The following TOP3B variants were observed in gnomAD, a reference collection of about 807,000 sequenced individuals.
TOP3B encodes DNA topoisomerase III beta, also known as DNA topoisomerase 3-beta-1.
A neutral mutation model predicts 93.9 loss-of-function variants in TOP3B; 45 were observed. That is an observed-to-expected ratio of 0.48 (90% CI 0.38 to 0.61). TOP3B has a LOEUF of 0.61. TOP3B is among the 20% of genes least tolerant of loss of function. The pLI, the probability that TOP3B is intolerant of heterozygous loss-of-function variation, is 0.00. For synonymous variants in TOP3B, 357 were observed against 472.6 expected (o/e 0.76, Z 3.17); for missense variants, 750 against 1,156.1 (o/e 0.65, Z 5.09).
At chr22:21,975,351 G>A in intron 2 of TOP3B, 1 of 302,166 alleles carries the variant, frequency 3.3e-6, no homozygotes, top group Non-Finnish European at 6.3e-6. Flanking sequence ...TTCCAGGGCT[G>A]GTTTCTACTA....
chr22:21,971,130 G>A lies in TOP3B; in HGVS notation c.385-724C>T. ...CAGATGCAAAGGCCCCCAGGGAGGA[G>A]CCGCCCTGCAGGGGAGGAGAGGGTA... On this transcript the variant is annotated intron_variant, in intron 5 of 17. Transcript: ENST00000357179. The surrounding 1 kb of genome is among the most constrained non-coding windows in gnomAD (Gnocchi z 4.6). The A allele has an allele frequency of 1.8e-6, 2 of 1,117,326 alleles. No homozygotes were observed. The highest frequency in any genetic ancestry group is 1.3e-5 in the South Asian group (1 of 75,934). 69.2% of individuals were successfully genotyped at this position (1,117,326 alleles called of 1,614,324 possible).
intron 3 of TOP3B, 145 bp downstream of exon 3, chr22:21,974,212 C>T (rs2145873482): frequency 9.5e-7 from 1 of 1,055,762 alleles, no homozygotes; most frequent in Non-Finnish European, 1.3e-6. Context: ...GGGACCCTCT[C>T]ATTGCTACTT....
At chr22:21,972,794 G>T (rs2071695667) in intron 3 of TOP3B, 76 bp from the exon 4 acceptor site, 3 of 1,224,530 alleles carry the variant, frequency 2.4e-6, no homozygotes, top group Non-Finnish European at 3.6e-6. Flanking sequence ...GAGGATGTTG[G>T]CCTCATCCCA....
At chr22:21,980,509 A>T (rs2084606635) in intron 1 of TOP3B, among the ~76,000 whole-genome samples, 1 of 152,294 alleles carries the variant, frequency 6.6e-6, no homozygotes, top group South Asian at 2.1e-4. Flanking sequence ...ACTACAGTGA[A>T]ATCAGTAATC....
At position 21,965,605 on chromosome 22, in the gene TOP3B, G is replaced by A. The variant is rs924601642; in HGVS notation, c.853-230C>T. 2.7e-5 allele frequency: 8 copies of A among 296,764 alleles called. No homozygotes were observed. The East Asian group carries it at 4.9e-4, about 18-fold the overall frequency. 18.4% of individuals were successfully genotyped at this position (296,764 alleles called of 1,614,324 possible). Reference sequence around the variant, plus strand: ...ATTTTGGCTGGGTGTGGTGGCTCACGCCTGTAATCCCAGTACTTTGGGAGG... The same window carrying A: ...ATTTTGGCTGGGTGTGGTGGCTCACACCTGTAATCCCAGTACTTTGGGAGG... On this transcript the variant is annotated intron_variant, in intron 8 of 17. Transcript: ENST00000357179.
At chr22:21,966,451 T>C (rs1477146912) in intron 8 of TOP3B, 1 of 152,250 alleles carries the variant, frequency 6.6e-6, no homozygotes, top group African/African-American at 2.4e-5. Flanking sequence ...TGGGGAGGGC[T>C]GCTGCCTGCA....
At chr22:21,980,085 G>A (rs554086445) in intron 1 of TOP3B, among the ~76,000 whole-genome samples, 2 of 152,222 alleles carry the variant, frequency 1.3e-5, no homozygotes, top group East Asian at 3.9e-4. Flanking sequence ...GGCATGTAAC[G>A]GTGTGTAGAG....
rs373549523 is a variant in TOP3B at position 21,971,879 on chromosome 22, C to G, written c.382G>C (p.Glu128Gln). 1.2e-6 allele frequency: 2 copies of G among 1,614,072 alleles called. No individual in the cohort carries two copies. The highest frequency in any genetic ancestry group is 1.7e-6 in the Non-Finnish European group (2 of 1,179,978). Residue 128 changes from glutamate to glutamine, a missense_variant and splice_region_variant, in exon 5 of 18, where the codon GAG (glutamate) becomes CAG (glutamine). Physicochemically the swap from Glu to Gln is conservative, Grantham distance 29. Transcript: ENST00000357179. The surrounding 1 kb of genome is among the most constrained non-coding windows in gnomAD (Gnocchi z 4.6). ...AACAAAGTGAGCCTCACACTCACCT[C>G]AAAGCAGATGTTCTCCCCCTCCTTG... ...CDKEGENICF[E>Q]VLDAVLPVMN...
Position 21,975,641 on chromosome 22 carries a change from T to A in TOP3B, c.69A>T (p.Arg23Ser). The A allele has an allele frequency of 1.2e-6, 2 of 1,611,018 alleles. No homozygotes were observed. The highest frequency in any genetic ancestry group is 1.1e-5 in the South Asian group (1 of 90,860). ...CAAAGCAGGGCTGGTCTCTCCTACC[T>A]CTAGAGAGGATTTTGGCAATTGACT... is the stretch of plus-strand genomic sequence containing the variant. Reference protein sequence around the residue: ...LAQSIAKILSRGSLSSHKGLN... With the variant: ...LAQSIAKILSSGSLSSHKGLN... The change falls in exon 2 of 18, where the codon AGA becomes AGT. Residue 23 changes from arginine to serine, a missense_variant and splice_region_variant. Arg to Ser is a moderately radical substitution (Grantham distance 110). Coordinates refer to ENST00000357179, the MANE Select transcript of TOP3B (RefSeq NM_001282112.2).
chr22:21,960,511 G>A (rs1188745699), intron 13 of TOP3B, 62 bp from the exon 14 acceptor site: 68 of 1,602,770 alleles, frequency 4.2e-5, no homozygotes, highest in Middle Eastern at 1.7e-4. Context: ...TGAACCATGT[G>A]CTGTATCACC....
Position 21,958,588 on chromosome 22 carries a change from A to G in TOP3B, c.2011T>C (p.Phe671Leu). The G allele has an allele frequency of 6.2e-7, 1 of 1,614,112 alleles. No homozygotes were observed. The highest frequency in any genetic ancestry group is 2.2e-5 in the East Asian group (1 of 44,882). Residue 671 changes from phenylalanine to leucine, a missense_variant, in exon 17 of 18, where the codon TTC becomes CTC. By Grantham distance (22) the Phe-to-Leu change is conservative. Coordinates refer to ENST00000357179, the MANE Select transcript of TOP3B (RefSeq NM_001282112.2). ...CCTGATGACCACAGGACCAGCTCGA[A>G]GTCATCCAGAGGGCAGCGGAGCTCC... ...YKELRCPLDD[F>L]ELVLWSSGSR... is the part of the protein sequence containing the mutation.
intron 4 of TOP3B, 60 bp downstream of exon 4, chr22:21,972,552 A>G: frequency 3.0e-6 from 4 of 1,317,146 alleles, no homozygotes; most frequent in African/African-American, 1.5e-5. Context: ...GGGCAAAGAC[A>G]TGGCAGCTGT....
chr22:21,980,062 G>C (rs1465455070), intron 1 of TOP3B, among the ~76,000 whole-genome samples: 1 of 151,792 alleles, frequency 6.6e-6, no homozygotes, highest in African/African-American at 2.4e-5. Context: ...AATAAATCAT[G>C]CTAAGAAAGC....
intron 13 of TOP3B, chr22:21,962,198 C>T: frequency 6.8e-7 from 1 of 1,465,904 alleles, no homozygotes; most frequent in Non-Finnish European, 9.0e-7. Flanking sequence ...TGCACGAGGG[C>T]ACATCTGGGC....
rs2071607702 is a variant in TOP3B at position 21,970,826 on chromosome 22, T to G, written c.385-420A>C. 3 of 328,488 alleles carry G rather than the reference T, an allele frequency of 9.1e-6. No individual in the cohort carries two copies. Among genetic ancestry groups the G allele is most frequent in the East Asian group, 9.2e-5 (1 of 10,858 alleles). 20.3% of individuals were successfully genotyped at this position (328,488 alleles called of 1,614,324 possible). On this transcript the variant is annotated intron_variant, in intron 5 of 17. Transcript: ENST00000357179. The surrounding 1 kb of genome is among the most constrained non-coding windows in gnomAD (Gnocchi z 4.4). Reference sequence around the variant, plus strand: ...AGGAGGGAGGGTTTGGAGGGGTGGGTGGAAATTTTAAGAGGCTGAAGAAAA... The same window carrying G: ...AGGAGGGAGGGTTTGGAGGGGTGGGGGGAAATTTTAAGAGGCTGAAGAAAA...
Position 21,960,403 on chromosome 22 carries a change from G to A in TOP3B, c.1572C>T (p.Arg524=). ...GCCCGCTCTCCACCGTGACATAGTT[G>A]CGCTGGCAGATGTTGTTGATATGCA... is the stretch of plus-strand genomic sequence containing the variant. ...IPVHINNICQ[R]NYVTVESGRR... is the part of the protein sequence containing the mutation. Residue 524 remains arginine (R), a synonymous_variant, in exon 14 of 18, where the codon CGC becomes CGT. Coordinates refer to ENST00000357179, the MANE Select transcript of TOP3B (RefSeq NM_001282112.2). 2 of 1,613,762 alleles carry A rather than the reference G, an allele frequency of 1.2e-6. No individual in the cohort carries two copies. Among genetic ancestry groups the A allele is most frequent in the Non-Finnish European group, 1.7e-6 (2 of 1,179,996 alleles).
Position 21,964,158 on chromosome 22 carries a change from C to T in TOP3B, c.1098+3G>A. On this transcript the variant is annotated splice_donor_region_variant and intron_variant, in intron 10 of 17. Transcript: ENST00000357179. ...ATGCTGAGGCCGGCCCGGCTCCACT[C>T]ACCGTGTCGGCCCAGTAGGGGTGGT... is the stretch of plus-strand genomic sequence containing the variant. 3 of 1,613,982 alleles carry T rather than the reference C, an allele frequency of 1.9e-6. No individual in the cohort carries two copies. The highest frequency in any genetic ancestry group is 2.5e-6 in the Non-Finnish European group (3 of 1,179,996).
At chr22:21,974,066 G>A (rs535631592) in intron 3 of TOP3B, 2 of 274,790 alleles carry the variant, frequency 7.3e-6, no homozygotes, top group East Asian at 8.4e-5. Context: ...GCCTGCACAG[G>A]TCAAGCCCTT....
intron 16 of TOP3B, 84 bp from the exon 17 acceptor site, chr22:21,958,777 T>TGC: frequency 2.0e-6 from 3 of 1,465,250 alleles, no homozygotes; most frequent in South Asian, 2.8e-5. Flanking sequence ...TAATACAAAG[T>TGC]ATGTAATCTG....
Sources: allele counts gnomAD v4.1 joint callset (sites outside exome capture counted in the v4.1 genomes callset), GRCh38; gene constraint gnomAD v4.1.1; non-coding constraint Gnocchi (gnomAD v3.1); transcripts MANE v1.5; gene names NCBI Gene and HGNC (gene_info 2026-07-23, HGNC 2026-07-21).